The following SKA1 variants were observed in gnomAD, a reference collection of about 807,000 sequenced individuals.
SKA1 encodes SKA complex subunit 1.
Under a neutral mutation model 31.8 loss-of-function variants are expected in SKA1, and 20 were observed. The observed-to-expected ratio is 0.63, with a 90% CI of 0.44 to 0.91. The LOEUF is 0.91. Ranked by LOEUF, SKA1 falls within the 40% of genes least tolerant of loss-of-function variation. SKA1 has a pLI of 0.00. For synonymous variants in SKA1, 88 were observed against 100.5 expected (o/e 0.88, Z 0.74); for missense variants, 253 against 298.2 (o/e 0.85, Z 1.12).
At chr18:50,388,645 A>G (rs1423160133) in intron 5 of SKA1, among the ~76,000 whole-genome samples, 1 of 152,172 alleles carries the variant, frequency 6.6e-6, no homozygotes, top group Non-Finnish European at 1.5e-5. Context: ...GGCTGAAATC[A>G]TCTAACTACC....
chr18:50,384,732 G>A, intron 4 of SKA1, among the ~76,000 whole-genome samples: 1 of 131,048 alleles, frequency 7.6e-6, no homozygotes, highest in African/African-American at 3.8e-5. Flanking sequence ...GGGAGGGATA[G>A]CATTGGGAGA....
chr18:50,384,869 A>AT (rs1555717627), intron 4 of SKA1, among the ~76,000 whole-genome samples: 285 of 111,436 alleles, frequency 2.6e-3, no homozygotes, highest in Non-Finnish European at 4.0e-3. Flanking sequence ...AAAAAAAAAA[A>AT]TTAAAAAAAA....
intron 4 of SKA1, among the ~76,000 whole-genome samples, chr18:50,383,759 C>A (rs571525839): frequency 6.6e-6 from 1 of 152,324 alleles, no homozygotes; most frequent in African/African-American, 2.4e-5. Flanking sequence ...TGGTTATTTT[C>A]AGCTGATAAA....
chr18:50,389,375 C>CTTTTT (rs756288352), intron 5 of SKA1, among the ~76,000 whole-genome samples: 963 of 85,574 alleles, frequency 0.011, 12 homozygotes, highest in African/African-American at 0.046. Flanking sequence ...CTTTACCTTT[C>CTTTTT]TTTTTTTTTT....
intron 2 of SKA1, among the ~76,000 whole-genome samples, chr18:50,379,853 C>A (rs556558780): frequency 6.6e-6 from 1 of 152,156 alleles, no homozygotes; most frequent in African/African-American, 2.4e-5. Context: ...TGTTTTACCT[C>A]GCATTTCTAA....
chr18:50,384,764 C>A (rs1004963789), intron 4 of SKA1, among the ~76,000 whole-genome samples: 1 of 134,706 alleles, frequency 7.4e-6, no homozygotes, highest in Non-Finnish European at 1.5e-5. Context: ...CTAGATGACA[C>A]GTTAGTGGGT....
intron 3 of SKA1, 45 bp from the exon 4 acceptor site, chr18:50,382,084 C>A: frequency 9.0e-7 from 1 of 1,107,750 alleles, no homozygotes; most frequent in Non-Finnish European, 1.3e-6. Flanking sequence ...TTAAAACACA[C>A]ATGGGGAGGA....
intron 5 of SKA1, 70 bp downstream of exon 5, chr18:50,385,423 A>T: frequency 4.0e-6 from 5 of 1,243,594 alleles, no homozygotes; most frequent in African/African-American, 1.5e-5. Flanking sequence ...AATAAAGCTT[A>T]ATTATATTAA....
chr18:50,390,751 G>A (rs1411833491), intron 5 of SKA1, among the ~76,000 whole-genome samples: 3 of 152,014 alleles, frequency 2.0e-5, no homozygotes, highest in Non-Finnish European at 4.4e-5. Flanking sequence ...GCACTAGAGT[G>A]CTATAAGTTG....
chr18:50,376,685 C>T (rs2041218459), intron 2 of SKA1, among the ~76,000 whole-genome samples: 1 of 152,140 alleles, frequency 6.6e-6, no homozygotes, highest in African/African-American at 2.4e-5. Context: ...CCTTAGCTTA[C>T]TATAACTTTT....
intron 6 of SKA1, 111 bp downstream of exon 6, chr18:50,391,404 C>G: frequency 9.3e-7 from 1 of 1,077,954 alleles, no homozygotes; most frequent in Non-Finnish European, 1.3e-6. Flanking sequence ...TAATTCCCAA[C>G]CAGGAGCAGT....
At chr18:50,389,348 G>A (rs1450959454) in intron 5 of SKA1, among the ~76,000 whole-genome samples, 1 of 146,530 alleles carries the variant, frequency 6.8e-6, no homozygotes, top group Non-Finnish European at 1.5e-5. Context: ...GGGGGGAGAG[G>A]GTCATTTTGT....
At position 50,375,923 on chromosome 18, in the gene SKA1, G is replaced by GGAACC. The variant is rs1205749206; in HGVS notation, c.88+5_88+6insGAACC. On this transcript the variant is annotated splice_donor_region_variant and intron_variant, in intron 2 of 6. Transcript: ENST00000285116. Reference sequence around the variant, plus strand: ...CCTTATCATTAAGAAACTGTGGTAAGTAAAACAGATTCCACTGACTTTGTA... The same window carrying GGAACC: ...CCTTATCATTAAGAAACTGTGGTAAGGAACCTAAAACAGATTCCACTGACTTTGTA... 6.5e-6 allele frequency: 10 copies of GGAACC among 1,538,322 alleles called. No homozygotes were observed. Among genetic ancestry groups the GGAACC allele is most frequent in the Non-Finnish European group, 8.9e-6 (10 of 1,118,256 alleles).
At position 50,385,310 on chromosome 18, in the gene SKA1, G is replaced by A. The variant is rs1452546813; in HGVS notation, c.406G>A (p.Glu136Lys). Residue 136 changes from glutamate to lysine, a missense_variant, in exon 5 of 7, where the codon GAA becomes AAA. Coordinates refer to ENST00000285116, the MANE Select transcript of SKA1 (RefSeq NM_145060.4). ...TCCCAAAGAGCAAAGAAGTATTAAG[G>A]AAATGCCATTTATAACTTGTGATGA... ...KPPKEQRSIK[E>K]MPFITCDEFN... is the part of the protein sequence containing the mutation. The A allele has an allele frequency of 6.2e-7, 1 of 1,613,392 alleles. No homozygotes were observed. The highest frequency in any genetic ancestry group is 8.5e-7 in the Non-Finnish European group (1 of 1,179,712).
chr18:50,381,723 G>T (rs66818385), intron 3 of SKA1, among the ~76,000 whole-genome samples: 1,526 of 54,396 alleles, frequency 0.028, 446 homozygotes, highest in Middle Eastern at 0.069. Flanking sequence ...AGTCAATGTG[G>T]TTTTTTTTTT....
intron 2 of SKA1, 107 bp from the exon 3 acceptor site, chr18:50,380,019 C>T: frequency 2.2e-6 from 2 of 926,850 alleles, no homozygotes; most frequent in East Asian, 6.1e-5. Context: ...AGACCTTTTT[C>T]CACCCCTCTC....
chr18:50,377,253 A>G (rs976052855), intron 2 of SKA1, among the ~76,000 whole-genome samples: 1 of 152,178 alleles, frequency 6.6e-6, no homozygotes, highest in Non-Finnish European at 1.5e-5. Flanking sequence ...TGATGTTATG[A>G]TGGCTCCGAT....
At chr18:50,383,781 A>G (rs949316517) in intron 4 of SKA1, among the ~76,000 whole-genome samples, 10 of 152,246 alleles carry the variant, frequency 6.6e-5, no homozygotes, top group Non-Finnish European at 1.3e-4. Context: ...ACAGCAGGGC[A>G]TAAGGGAGCC....
Position 50,379,307 on chromosome 18 carries a change from T to C in SKA1, c.89-819T>C, listed in dbSNP as rs115662440. ...AATATACTACTTTATAAATGTCTTATGTTTGTTTTTGCCAGGTACCCAGGG... is the reference window on the plus strand; with the variant it reads ...AATATACTACTTTATAAATGTCTTACGTTTGTTTTTGCCAGGTACCCAGGG... On this transcript the variant is annotated intron_variant, in intron 2 of 6. Transcript: ENST00000285116. Among the ~76,000 whole-genome samples the C allele has an allele frequency of 7.3e-3, 1,112 of 152,348 alleles. 10 individuals carry two copies. Among genetic ancestry groups the C allele is most frequent in the African/African-American group, 0.025 (1,053 of 41,580 alleles).
Sources: gnomAD v4.1 joint callset for allele counts (sites outside exome capture counted in the v4.1 genomes callset) on GRCh38, gnomAD v4.1.1 for gene constraint, MANE v1.5 for transcripts, NCBI Gene and HGNC (gene_info 2026-07-23, HGNC 2026-07-21) for gene names.